The following PTPRD variants were observed in gnomAD, a reference collection of about 807,000 sequenced individuals.
The protein encoded by PTPRD is receptor-type tyrosine-protein phosphatase delta.
Under a neutral mutation model 214.5 loss-of-function variants are expected in PTPRD, and 34 were observed. That is an observed-to-expected ratio of 0.16 (90% CI 0.12 to 0.21). The LOEUF is 0.21. Among genes scored for constraint, PTPRD ranks in the 10% least tolerant of loss-of-function variants. PTPRD has a pLI of 1.00. For synonymous variants in PTPRD, 1,128 were observed against 845.7 expected (o/e 1.33, Z -5.79); for missense variants, 2,545 against 2,398.7 (o/e 1.06, Z -1.27).
intron 7 of PTPRD, among the ~76,000 whole-genome samples, chr9:9,581,795 A>G (rs1042412391): frequency 3.9e-5 from 6 of 152,158 alleles, no homozygotes; most frequent in Non-Finnish European, 7.4e-5. Flanking sequence ...TCCTATGAAT[A>G]ATGTATGTAA....
chr9:9,341,725 C>A (rs757535847), intron 9 of PTPRD, among the ~76,000 whole-genome samples: 7 of 151,970 alleles, frequency 4.6e-5, no homozygotes, highest in South Asian at 2.1e-4. Context: ...TTAAAGGATA[C>A]CTGTTTGCAT....
At chr9:9,781,261 A>T (rs1182162127) in intron 5 of PTPRD, among the ~76,000 whole-genome samples, 1 of 152,244 alleles carries the variant, frequency 6.6e-6, no homozygotes, top group African/African-American at 2.4e-5. Flanking sequence ...AATGGGTTTA[A>T]CTGACAGTGG....
At chr9:9,813,482 G>C (rs1037905939) in intron 5 of PTPRD, among the ~76,000 whole-genome samples, 71 of 152,016 alleles carry the variant, frequency 4.7e-4, no homozygotes, top group African/African-American at 1.6e-3. Flanking sequence ...ATTATAGCAG[G>C]TTATTAACAA....
intron 3 of PTPRD, among the ~76,000 whole-genome samples, chr9:10,059,937 T>TA (rs2097726878): frequency 6.6e-6 from 1 of 152,062 alleles, no homozygotes; most frequent in South Asian, 2.1e-4. Context: ...CATTCAGAGA[T>TA]AAAAATGTAA....
intron 3 of PTPRD, among the ~76,000 whole-genome samples, chr9:10,173,506 T>C (rs1330954620): frequency 6.6e-6 from 1 of 152,174 alleles, no homozygotes; most frequent in Non-Finnish European, 1.5e-5. Context: ...TCCAGAAGGA[T>C]AATGTCCCCA....
chr9:9,336,762 C>T (rs928474), intron 9 of PTPRD, among the ~76,000 whole-genome samples: 1,613 of 152,132 alleles, frequency 0.011, 38 homozygotes, highest in African/African-American at 0.037. Context: ...ACTTTTAAAA[C>T]GCCCTTGAAA....
At chr9:8,594,133 G>C (rs548691855) in intron 14 of PTPRD, among the ~76,000 whole-genome samples, 1 of 151,998 alleles carries the variant, frequency 6.6e-6, no homozygotes, top group Non-Finnish European at 1.5e-5. Context: ...TTGCTGGATT[G>C]GTTTGACATG....
intron 7 of PTPRD, among the ~76,000 whole-genome samples, chr9:9,654,030 T>C (rs189707187): frequency 4.3e-4 from 66 of 152,276 alleles, no homozygotes; most frequent in East Asian, 3.3e-3. Context: ...GGTTACAAAA[T>C]TGAAACCTCA....
At chr9:10,394,957 C>CTTTTTTTTTT (rs34786789) in intron 2 of PTPRD, among the ~76,000 whole-genome samples, 1 of 133,198 alleles carries the variant, frequency 7.5e-6, no homozygotes, top group African/African-American at 2.9e-5. Flanking sequence ...TTTTCTTTTT[C>CTTTTTTTTTT]TTTTTTTTTT....
intron 5 of PTPRD, among the ~76,000 whole-genome samples, chr9:9,780,221 A>G (rs951111685): frequency 6.6e-6 from 1 of 152,108 alleles, no homozygotes; most frequent in African/African-American, 2.4e-5. Context: ...ACACATCAAC[A>G]TAAACATGAG....
intron 3 of PTPRD, among the ~76,000 whole-genome samples, chr9:10,057,235 A>G (rs1240360476): frequency 6.6e-6 from 1 of 152,188 alleles, no homozygotes; most frequent in Non-Finnish European, 1.5e-5. Flanking sequence ...GATATCAAAC[A>G]TTATCTACAA....
At chr9:10,048,121 G>C (rs192712961) in intron 3 of PTPRD, among the ~76,000 whole-genome samples, 1 of 152,294 alleles carries the variant, frequency 6.6e-6, no homozygotes, top group Non-Finnish European at 1.5e-5. Flanking sequence ...ACGTGAGACA[G>C]ATATTTGCCA....
chr9:8,644,073 A>G (rs2890819), intron 12 of PTPRD, among the ~76,000 whole-genome samples: 1 of 152,182 alleles, frequency 6.6e-6, no homozygotes, highest in African/African-American at 2.4e-5. Context: ...GGCTCAGCCA[A>G]AGCAAAGCAG....
In PTPRD at chr9:10,094,527, T is replaced by TC. The variant is rs1376635799; in HGVS notation, c.-544-60738_-544-60737insG. Among the ~76,000 whole-genome samples the TC allele has an allele frequency of 4.7e-3, 644 of 137,702 alleles. 6 individuals are homozygous for TC. Among genetic ancestry groups the TC allele is most frequent in the African/African-American group, 0.011 (386 of 35,564 alleles). The allele number at this position is 137,702 out of a possible 152,430, so 90.3% of individuals were successfully genotyped here. ...TAAATAAACAACAGTATGGTTTTTTTTTTCTTTCTTTCTTTTTTTTTTTTT... is the reference window on the plus strand; with the variant it reads ...TAAATAAACAACAGTATGGTTTTTTTCTTTCTTTCTTTCTTTTTTTTTTTTT... On this transcript the variant is annotated intron_variant, in intron 3 of 45. Coordinates refer to ENST00000381196, the MANE Select transcript of PTPRD (RefSeq NM_002839.4).
chr9:10,157,367 T>C (rs1040819561), intron 3 of PTPRD, among the ~76,000 whole-genome samples: 3 of 152,168 alleles, frequency 2.0e-5, no homozygotes, highest in Admixed American at 6.5e-5. Context: ...CTAAAAGGGA[T>C]CTTATTTCTC....
chr9:10,408,191 C>T (rs965390797), intron 2 of PTPRD, among the ~76,000 whole-genome samples: 1 of 151,454 alleles, frequency 6.6e-6, no homozygotes, highest in African/African-American at 2.4e-5. Context: ...GGTTCTGGTT[C>T]CTGTAATGAT....
chr9:10,304,717 C>A (rs1025273592), intron 3 of PTPRD, among the ~76,000 whole-genome samples: 7 of 152,114 alleles, frequency 4.6e-5, no homozygotes, highest in Admixed American at 2.6e-4. Context: ...TGAAAAACCT[C>A]TTCAAGGAGA....
intron 14 of PTPRD, among the ~76,000 whole-genome samples, chr9:8,579,049 C>G (rs75722197): frequency 6.6e-6 from 1 of 152,048 alleles, no homozygotes; most frequent in East Asian, 1.9e-4. Context: ...ACTTACAAGT[C>G]CAAATCTGTA....
At chr9:9,887,622 C>A (rs992663420) in intron 5 of PTPRD, among the ~76,000 whole-genome samples, 7 of 152,084 alleles carry the variant, frequency 4.6e-5, no homozygotes, top group African/African-American at 1.7e-4. Flanking sequence ...TGTACTCAGA[C>A]AAACCTGGAG....
Sources: gnomAD v4.1 joint callset for allele counts (sites outside exome capture counted in the v4.1 genomes callset) on GRCh38, gnomAD v4.1.1 for gene constraint, MANE v1.5 for transcripts, NCBI Gene and HGNC (gene_info 2026-07-23, HGNC 2026-07-21) for gene names.